The following VEPH1 variants were observed in gnomAD, a reference collection of about 807,000 sequenced individuals.
VEPH1 encodes ventricular zone-expressed PH domain-containing protein homolog 1.
VEPH1 carries 80 observed loss-of-function variants against 85.2 expected under a neutral mutation model. The observed-to-expected ratio is 0.94, with a 90% CI of 0.78 to 1.13. The LOEUF (loss-of-function observed/expected upper bound fraction) is 1.13. Ranked by LOEUF, VEPH1 falls within the 50% of genes most tolerant of loss-of-function variation. The probability of loss-of-function intolerance (pLI) is 0.00; values close to 1 mark genes in which losing one functional copy is unlikely to be tolerated. For missense variants in VEPH1, 955 were observed against 980.5 expected, an observed-to-expected ratio of 0.97 and a Z score of 0.35; for synonymous variants, 297 against 348.0, an observed-to-expected ratio of 0.85 and a Z score of 1.63.
chr3:157,375,876 A>T (rs77815341), intron 7 of VEPH1, among the ~76,000 whole-genome samples: 8,514 of 152,292 alleles, frequency 0.056, 351 homozygotes, highest in South Asian at 0.19. Flanking sequence ...CAACAAAAAA[A>T]ACGCAACATT....
At chr3:157,418,710 C>A (rs944883148) in intron 5 of VEPH1, among the ~76,000 whole-genome samples, 2 of 152,068 alleles carry the variant, frequency 1.3e-5, no homozygotes, top group Non-Finnish European at 2.9e-5. Context: ...AAAAACATTC[C>A]ATGCTCATAG....
At chr3:157,347,600 G>C (rs1724373001) in intron 9 of VEPH1, among the ~76,000 whole-genome samples, 1 of 152,240 alleles carries the variant, frequency 6.6e-6, no homozygotes, top group Non-Finnish European at 1.5e-5. Flanking sequence ...CAGCGGGGGA[G>C]TAGAGATGCA....
chr3:157,473,093 G>A (rs1337001703), intron 2 of VEPH1, among the ~76,000 whole-genome samples: 1 of 16,248 alleles, frequency 6.2e-5, no homozygotes. Context: ...TTTTTTTTTT[G>A]ATGGAGTCTC....
chr3:157,278,595 G>A (rs1715696450), intron 12 of VEPH1, among the ~76,000 whole-genome samples: 1 of 152,218 alleles, frequency 6.6e-6, no homozygotes, highest in Non-Finnish European at 1.5e-5. Flanking sequence ...CATCGTGGGA[G>A]GGAGATTGGA....
At chr3:157,352,563 C>T (rs1270626382) in intron 9 of VEPH1, among the ~76,000 whole-genome samples, 1 of 152,082 alleles carries the variant, frequency 6.6e-6, no homozygotes, top group African/African-American at 2.4e-5. Flanking sequence ...CTTATTTTCT[C>T]CCAACTGTAG....
In VEPH1 at chr3:157,313,764, G is replaced by T; in HGVS notation, c.1876-9C>A. 1 of 1,613,916 alleles carries T rather than the reference G, an allele frequency of 6.2e-7. No homozygotes were observed. ...GGTTCAGGAAACAGGCTCTGAAAGG[G>T]CATTAAAGACAGAAACAGAATATAC... On this transcript the variant is annotated splice_polypyrimidine_tract_variant and intron_variant, in intron 10 of 13. Coordinates refer to ENST00000362010, the MANE Select transcript of VEPH1 (RefSeq NM_001167912.2).
intron 11 of VEPH1, among the ~76,000 whole-genome samples, chr3:157,293,000 GAAAA>G (rs2108411706): frequency 7.1e-6 from 1 of 141,730 alleles, no homozygotes; most frequent in African/African-American, 2.6e-5. Flanking sequence ...AAAAAAAAAA[GAAAA>G]AAGAAAAAAG....
intron 11 of VEPH1, among the ~76,000 whole-genome samples, chr3:157,299,580 A>G (rs1577277122): frequency 6.9e-6 from 1 of 144,352 alleles, no homozygotes; most frequent in South Asian, 2.2e-4. Context: ...AAAAAAAAAA[A>G]GAAAGAAAGA....
intron 2 of VEPH1, among the ~76,000 whole-genome samples, chr3:157,490,021 G>A (rs1015009732): frequency 2.0e-5 from 3 of 151,586 alleles, no homozygotes; most frequent in African/African-American, 7.3e-5. Flanking sequence ...AACATTCTTA[G>A]GAAAAATATC....
chr3:157,313,822 T>A (rs1365185423), intron 10 of VEPH1, 67 bp from the exon 11 acceptor site: 13 of 1,575,386 alleles, frequency 8.3e-6, no homozygotes, highest in Non-Finnish European at 1.1e-5. Context: ...GTTTGATTGA[T>A]TTCAAGGCAC....
At chr3:157,482,990 C>T (rs890237793) in intron 2 of VEPH1, among the ~76,000 whole-genome samples, 2 of 152,044 alleles carry the variant, frequency 1.3e-5, no homozygotes, top group African/African-American at 4.8e-5. Context: ...TATTTTTATA[C>T]ATTTATTCCA....
intron 6 of VEPH1, among the ~76,000 whole-genome samples, chr3:157,384,470 C>T (rs779072986): frequency 2.3e-4 from 35 of 152,152 alleles, no homozygotes; most frequent in Non-Finnish European, 4.3e-4. Flanking sequence ...ATTTCATTTG[C>T]TTATGCAATA....
chr3:157,408,993 C>T (rs1056868796), intron 6 of VEPH1, among the ~76,000 whole-genome samples: 2 of 152,066 alleles, frequency 1.3e-5, no homozygotes, highest in African/African-American at 4.8e-5. Context: ...GAAGTACACT[C>T]ACACTTGTAT....
rs35842236 is a variant in VEPH1, at chr3:157,477,190, AT to A, written c.139-6662del. The stretch of plus-strand genomic sequence containing the variant: ...GGTGCCCTCTGGAGGCTCTGAGGGC[AT>A]TTTTTTTTTTTTTAATCTGTTCTAG... On this transcript the variant is annotated intron_variant, in intron 2 of 13. Coordinates refer to ENST00000362010, the MANE Select transcript of VEPH1 (RefSeq NM_001167912.2). Among the ~76,000 whole-genome samples, 629 of 142,820 alleles carry A rather than the reference AT, an allele frequency of 4.4e-3. 1 individual carries two copies. Among genetic ancestry groups the A allele is most frequent in the African/African-American group, 5.8e-3 (224 of 38,786 alleles). The allele number at this position is 142,820 out of a possible 152,430, so 93.7% of individuals were successfully genotyped here. A position where few individuals can be genotyped will look rare whatever the true frequency, so the allele number is the denominator to read the frequency against.
At chr3:157,331,489 C>T (rs1722501633) in intron 9 of VEPH1, among the ~76,000 whole-genome samples, 2 of 152,212 alleles carry the variant, frequency 1.3e-5, no homozygotes, top group Non-Finnish European at 2.9e-5. Context: ...AACCAAACCT[C>T]ACTTCACTTA....
chr3:157,482,692 T>C (rs1198077973), intron 2 of VEPH1, among the ~76,000 whole-genome samples: 1 of 152,206 alleles, frequency 6.6e-6, no homozygotes, highest in Admixed American at 6.5e-5. Context: ...GTTGTCCTTG[T>C]AGAGATTTTT....
intron 9 of VEPH1, among the ~76,000 whole-genome samples, chr3:157,339,656 A>C (rs1201903562): frequency 6.6e-6 from 1 of 152,206 alleles, no homozygotes; most frequent in Non-Finnish European, 1.5e-5. Context: ...TCTGGAGGAA[A>C]GTGATAGAGG....
intron 6 of VEPH1, among the ~76,000 whole-genome samples, chr3:157,412,626 T>C (rs1325885516): frequency 6.6e-6 from 1 of 152,086 alleles, no homozygotes; most frequent in Non-Finnish European, 1.5e-5. Flanking sequence ...AGGGAAAGCA[T>C]TAACAGAAGG....
At chr3:157,296,800 C>T (rs1371532060) in intron 11 of VEPH1, among the ~76,000 whole-genome samples, 1 of 152,200 alleles carries the variant, frequency 6.6e-6, no homozygotes, top group Non-Finnish European at 1.5e-5. Context: ...TGAGCCCTGC[C>T]ACTGCCATTC....
Sources: allele counts gnomAD v4.1 joint callset (sites outside exome capture counted in the v4.1 genomes callset), GRCh38; gene constraint gnomAD v4.1.1; transcripts MANE v1.5; gene names NCBI Gene and HGNC (gene_info 2026-07-23, HGNC 2026-07-21).